Variants in SSH2 observed in about 807,000 individuals in gnomAD.
SSH2 encodes slingshot protein phosphatase 2.
Under a neutral mutation model 135.2 loss-of-function variants are expected in SSH2, and 37 were observed. The observed-to-expected ratio is 0.27, with a 90% CI of 0.21 to 0.36. The LOEUF (loss-of-function observed/expected upper bound fraction) is 0.36. Ranked by LOEUF, SSH2 falls within the 10% of genes least tolerant of loss-of-function variation. The pLI, the probability that SSH2 is intolerant of heterozygous loss-of-function variation, is 1.00. For synonymous variants in SSH2, 628 were observed against 646.2 expected (o/e 0.97, Z 0.43); for missense variants, 1,408 against 1,765.3 (o/e 0.80, Z 3.63).
intron 1 of SSH2, among the ~76,000 whole-genome samples, chr17:29,870,780 C>A (rs1007881833): frequency 1.3e-5 from 2 of 152,276 alleles, no homozygotes; most frequent in South Asian, 2.1e-4. Context: ...AACTACCATG[C>A]CTTCATTGTC....
At chr17:29,738,713 C>T (rs1445597850) in intron 3 of SSH2, among the ~76,000 whole-genome samples, 2 of 152,016 alleles carry the variant, frequency 1.3e-5, no homozygotes, top group East Asian at 1.9e-4. Flanking sequence ...GCCACCATGC[C>T]CGGCTAATTT....
chr17:29,699,650 A>G (rs2038900259), intron 4 of SSH2, among the ~76,000 whole-genome samples: 1 of 152,222 alleles, frequency 6.6e-6, no homozygotes, highest in Non-Finnish European at 1.5e-5. Context: ...AGGAGCTTTA[A>G]AAGCCACTGA....
chr17:29,887,392 C>T (rs1323353886), intron 1 of SSH2, among the ~76,000 whole-genome samples: 1 of 152,100 alleles, frequency 6.6e-6, no homozygotes, highest in Non-Finnish European at 1.5e-5. Context: ...TTTCCTAGGT[C>T]CTATTTCCTA....
At chr17:29,661,034 C>G (rs1270588270) in intron 11 of SSH2, among the ~76,000 whole-genome samples, 1 of 140,168 alleles carries the variant, frequency 7.1e-6, no homozygotes, top group Non-Finnish European at 1.5e-5. Context: ...GCACTCCAGC[C>G]TGGGCAAAAA....
chr17:29,872,580 C>A (rs535052197), intron 1 of SSH2, among the ~76,000 whole-genome samples: 31 of 152,100 alleles, frequency 2.0e-4, no homozygotes, highest in African/African-American at 7.0e-4. Context: ...CACAGCAAGA[C>A]CCCCATCTCT....
intron 1 of SSH2, among the ~76,000 whole-genome samples, chr17:29,883,522 G>T (rs1159192017): frequency 1.3e-5 from 2 of 152,106 alleles, no homozygotes; most frequent in Non-Finnish European, 2.9e-5. Context: ...TATATAAATA[G>T]AAATTTTTAT....
At chr17:29,780,403 T>C (rs2041813203) in intron 3 of SSH2, 1 of 151,926 alleles carries the variant, frequency 6.6e-6, no homozygotes, top group Non-Finnish European at 1.5e-5. Flanking sequence ...GTATTGTATT[T>C]GTAATTTCTC....
At chr17:29,891,242 C>T (rs749476811) in intron 1 of SSH2, among the ~76,000 whole-genome samples, 2 of 152,058 alleles carry the variant, frequency 1.3e-5, no homozygotes, top group African/African-American at 2.4e-5. Context: ...CACCCAAGAG[C>T]CTGTTAAAAA....
chr17:29,916,456 T>C (rs1264737713), intron 1 of SSH2, among the ~76,000 whole-genome samples: 2 of 147,620 alleles, frequency 1.4e-5, no homozygotes, highest in African/African-American at 5.3e-5. Context: ...TGTTAAAGAT[T>C]TTTTTTTTCT....
intron 2 of SSH2, among the ~76,000 whole-genome samples, chr17:29,810,060 G>C (rs148096288): frequency 2.6e-3 from 401 of 152,228 alleles, no homozygotes; most frequent in Non-Finnish European, 4.3e-3. Flanking sequence ...GATCACTGCT[G>C]TATACTCAGC....
At chr17:29,757,869 G>T (rs2041180221) in intron 3 of SSH2, among the ~76,000 whole-genome samples, 1 of 151,872 alleles carries the variant, frequency 6.6e-6, no homozygotes, top group Admixed American at 6.6e-5. Flanking sequence ...CTGGGTGAAA[G>T]AGTGAGACTT....
chr17:29,783,149 T>C (rs1445703496), intron 3 of SSH2, among the ~76,000 whole-genome samples: 2 of 151,986 alleles, frequency 1.3e-5, no homozygotes, highest in Non-Finnish European at 2.9e-5. Context: ...AGTCAGTTCC[T>C]GAGTGGGGGC....
At chr17:29,733,638 C>G (rs1189438389) in intron 3 of SSH2, among the ~76,000 whole-genome samples, 2 of 152,002 alleles carry the variant, frequency 1.3e-5, no homozygotes, top group African/African-American at 4.8e-5. Flanking sequence ...AGTTACCAAA[C>G]AGAAACTTAA....
chr17:29,639,304 A>G (rs1176673176), intron 14 of SSH2, among the ~76,000 whole-genome samples: 1 of 152,150 alleles, frequency 6.6e-6, no homozygotes, highest in Non-Finnish European at 1.5e-5. Flanking sequence ...GGTCAGGTTC[A>G]TCTGCCCAGG....
intron 1 of SSH2, among the ~76,000 whole-genome samples, chr17:29,907,362 G>C (rs981878399): frequency 1.1e-4 from 17 of 152,066 alleles, no homozygotes; most frequent in Admixed American, 5.2e-4. Flanking sequence ...GGGGTGGAGT[G>C]GGGGGAGGGA....
chr17:29,686,364 G>GTT (rs570290824), intron 5 of SSH2, among the ~76,000 whole-genome samples: 7 of 143,476 alleles, frequency 4.9e-5, no homozygotes, highest in East Asian at 4.0e-4. Context: ...TAAAATGACA[G>GTT]TTTTTTTTTT....
chr17:29,757,331 A>G (rs2041160172), intron 3 of SSH2, among the ~76,000 whole-genome samples: 1 of 152,212 alleles, frequency 6.6e-6, no homozygotes, highest in African/African-American at 2.4e-5. Context: ...ACATTTTCAT[A>G]TAATCTCAAG....
chr17:29,702,962 C>T lies in SSH2; in HGVS notation c.289G>A (p.Ala97Thr). 6.2e-7 allele frequency: 1 copy of T among 1,606,928 alleles called. No individual in the cohort carries two copies. The highest frequency in any genetic ancestry group is 1.3e-5 in the African/African-American group (1 of 74,868). ...PRISHRRNKH[A>T]GDLQQHLQAM... ...ATGGTGTATATGCAAGCATTACCTG[C>T]ATGCTTGTTCCGTCTGTGGCTGATT... The change falls in exon 4 of 16, where the codon GCA (alanine) becomes ACA (threonine). Residue 97 changes from alanine (A) to threonine (T), a missense_variant. Physicochemically the swap from Ala to Thr is moderately conservative, Grantham distance 58 (BLOSUM62 0). This residue lies in a region of SSH2 where 222 missense variants were observed against 355.6 expected (regional missense o/e 0.62). Transcript: ENST00000540801.
intron 14 of SSH2, among the ~76,000 whole-genome samples, chr17:29,638,561 C>CAG (rs1461375365): frequency 1.5e-5 from 2 of 132,976 alleles, no homozygotes; most frequent in African/African-American, 2.9e-5. Flanking sequence ...CACACACACA[C>CAG]AGAGACAGGG....
Sources: allele counts gnomAD v4.1 joint callset (sites outside exome capture counted in the v4.1 genomes callset), GRCh38; gene constraint gnomAD v4.1.1; regional missense constraint gnomAD v4.1.1; transcripts MANE v1.5; gene names NCBI Gene and HGNC (gene_info 2026-07-23, HGNC 2026-07-21).